SPATA25: variants seen among roughly 807,000 people sequenced by gnomAD.
SPATA25 encodes spermatogenesis-associated protein 25.
A neutral mutation model predicts 16.0 loss-of-function variants in SPATA25; 16 were observed. That is an observed-to-expected ratio of 1.00 (90% CI 0.68 to 1.52). The LOEUF is 1.52. SPATA25 is among the 40% of genes most tolerant of loss of function. SPATA25 has a pLI of 0.00. For missense variants in SPATA25, 285 were observed against 289.2 expected (o/e 0.99, Z 0.11); for synonymous variants, 115 against 118.5 (o/e 0.97, Z 0.19).
Position 45,886,633 on chromosome 20 carries a change from C to A in SPATA25, c.568G>T (p.Glu190Ter), listed in dbSNP as rs766872004. 6.2e-7 allele frequency: 1 copy of A among 1,614,078 alleles called. No homozygotes were observed. Among genetic ancestry groups the A allele is most frequent in the Non-Finnish European group, 8.5e-7 (1 of 1,180,048 alleles). The change falls in exon 2 of 2, where the codon GAG becomes TAG. Residue 190 changes from glutamate (E) to a stop codon, truncating the protein, a stop_gained. Coordinates refer to ENST00000372519, the MANE Select transcript of SPATA25 (RefSeq NM_080608.4). LOFTEE classifies it high-confidence loss of function. ...AAQAFMMAHPEPEGAVEGARW... is the reference protein window; with the variant it reads ...AAQAFMMAHP ...GCCCCCTCCACAGCACCCTCTGGCTCCGGATGGGCCATCATGAAAGCTTGA... is the reference window on the plus strand; with the variant it reads ...GCCCCCTCCACAGCACCCTCTGGCTACGGATGGGCCATCATGAAAGCTTGA...
chr20:45,886,828 G>A lies in SPATA25; in HGVS notation c.373C>T (p.Leu125=), dbSNP rs777920843. 2 of 1,613,808 alleles carry A rather than the reference G, an allele frequency of 1.2e-6. No homozygotes were observed. Among genetic ancestry groups the A allele is most frequent in the Admixed American group, 1.7e-5 (1 of 60,012 alleles). ...DLGGPSRPRP[L]MLCGLSPRVL... is the part of the protein sequence containing the mutation. ...CGTGGTGACAGCCCACACAGCATCAGGGGCCTAGGCCTGCTGGGGCCACCC... is the reference window on the plus strand; with the variant it reads ...CGTGGTGACAGCCCACACAGCATCAAGGGCCTAGGCCTGCTGGGGCCACCC... Residue 125 remains leucine (L), a synonymous_variant, in exon 2 of 2, where the codon CTG becomes TTG. Transcript: ENST00000372519.
rs751548891 is a variant in SPATA25 at position 45,886,730 on chromosome 20, G to A, written c.471C>T (p.Leu157=). The A allele has an allele frequency of 5.6e-6, 9 of 1,613,978 alleles. No individual in the cohort carries two copies. The highest frequency in any genetic ancestry group is 1.3e-5 in the African/African-American group (1 of 74,926). ...SSQPDICILT[L]AMMIAGIPTV... Reference sequence around the variant, plus strand: ...TGGGGATGCCAGCGATCATCATGGCGAGGGTGAGGATGCAGATATCAGGCT... The same window carrying A: ...TGGGGATGCCAGCGATCATCATGGCAAGGGTGAGGATGCAGATATCAGGCT... The change falls in exon 2 of 2, where the codon CTC becomes CTT. Residue 157 remains leucine, a synonymous_variant. Transcript: ENST00000372519.
chr20:45,888,281 G>A (rs1046918997), upstream of SPATA25, among the ~76,000 whole-genome samples: 7 of 152,164 alleles, frequency 4.6e-5, no homozygotes, highest in Non-Finnish European at 7.3e-5. Flanking sequence ...GCCTCCCAAA[G>A]TGCTGGGATT....
chr20:45,887,680 C>T, upstream of SPATA25: 1 of 1,207,840 alleles, frequency 8.3e-7, no homozygotes, highest in South Asian at 1.4e-5. Context: ...CTCATAGACC[C>T]TCCCCTTCAC....
upstream of SPATA25, chr20:45,890,967 C>T (rs1986782796): frequency 6.7e-7 from 1 of 1,499,896 alleles, no homozygotes; most frequent in Non-Finnish European, 8.9e-7. Context: ...GCACCCGAAT[C>T]CACGGGCTCG....
chr20:45,890,756 C>A (rs1376773374), upstream of SPATA25: 1 of 1,612,470 alleles, frequency 6.2e-7, no homozygotes, highest in Non-Finnish European at 8.5e-7. Context: ...ACGCAGATGT[C>A]CGCACCAGCC....
upstream of SPATA25, chr20:45,890,687 G>A (rs1163597968): frequency 1.9e-6 from 3 of 1,613,650 alleles, no homozygotes; most frequent in African/African-American, 2.7e-5. Flanking sequence ...GACCAGATCG[G>A]GCAGAGAAAA....
chr20:45,890,416 G>C (rs1246370389), upstream of SPATA25: 1 of 1,611,962 alleles, frequency 6.2e-7, no homozygotes, highest in Non-Finnish European at 8.5e-7. Context: ...GGCAAAAGAG[G>C]ACACCCAGGC....
rs990510253 is a variant in SPATA25, at chr20:45,886,527, G to A, written c.674C>T (p.Ser225Phe). Reference protein sequence around the residue: ...VRSKRGQPPGSCL With the variant: ...VRSKRGQPPGFCL Reference sequence around the variant, plus strand: ...TGCTATTTCATCCATCTACAAGCAGGAGCCAGGAGGCTGGCCCCTTTTAGA... The same window carrying A: ...TGCTATTTCATCCATCTACAAGCAGAAGCCAGGAGGCTGGCCCCTTTTAGA... The change falls in exon 2 of 2, where the codon TCC becomes TTC. Residue 225 changes from serine (S) to phenylalanine (F), a missense_variant. Coordinates refer to ENST00000372519, the MANE Select transcript of SPATA25 (RefSeq NM_080608.4). 2 of 1,570,370 alleles carry A rather than the reference G, an allele frequency of 1.3e-6. No individual in the cohort carries two copies. Among genetic ancestry groups the A allele is most frequent in the Non-Finnish European group, 8.7e-7 (1 of 1,153,856 alleles).
upstream of SPATA25, chr20:45,888,539 G>A (rs146906906): frequency 2.9e-3 from 1,570 of 543,078 alleles, 27 homozygotes; most frequent in African/African-American, 0.027. Context: ...AGCCAGCCTA[G>A]GGACCCCTGC....
rs1986484823 is a variant in SPATA25 at position 45,886,694 on chromosome 20, G to A, written c.507C>T (p.Val169=). 6.2e-7 allele frequency: 1 copy of A among 1,614,154 alleles called. No homozygotes were observed. Among genetic ancestry groups the A allele is most frequent in the Non-Finnish European group, 8.5e-7 (1 of 1,180,044 alleles). ...MMIAGIPTVP[V]PGVREEDLIW... ...TCAGGTCCTCTTCCCGAACTCCTGGGACGGGCACGGTGGGGATGCCAGCGA... is the reference window on the plus strand; with the variant it reads ...TCAGGTCCTCTTCCCGAACTCCTGGAACGGGCACGGTGGGGATGCCAGCGA... The change falls in exon 2 of 2, where the codon GTC becomes GTT. Residue 169 remains valine, a synonymous_variant. Coordinates refer to ENST00000372519, the MANE Select transcript of SPATA25 (RefSeq NM_080608.4).
upstream of SPATA25, chr20:45,890,683 A>C (rs1986744137): frequency 1.2e-6 from 2 of 1,613,584 alleles, no homozygotes; most frequent in African/African-American, 2.7e-5. Context: ...GGTTGACCAG[A>C]TCGGGCAGAG....
At position 45,886,654 on chromosome 20, in the gene SPATA25, C is replaced by G. The variant is rs1423837720; in HGVS notation, c.547G>C (p.Ala183Pro). The G allele has an allele frequency of 1.2e-6, 2 of 1,614,148 alleles. No individual in the cohort carries two copies. The highest frequency in any genetic ancestry group is 1.7e-5 in the Admixed American group (1 of 60,034). Residue 183 changes from alanine to proline, a missense_variant, in exon 2 of 2, where the codon GCT becomes CCT. Coordinates refer to ENST00000372519, the MANE Select transcript of SPATA25 (RefSeq NM_080608.4). ...GGCTCCGGATGGGCCATCATGAAAGCTTGAGCGGCCCAGATCAGGTCCTCT... is the reference window on the plus strand; with the variant it reads ...GGCTCCGGATGGGCCATCATGAAAGGTTGAGCGGCCCAGATCAGGTCCTCT... Reference protein sequence around the residue: ...REEDLIWAAQAFMMAHPEPEG... With the variant: ...REEDLIWAAQPFMMAHPEPEG...
chr20:45,887,598 C>G lies in SPATA25; in HGVS notation c.-8G>C. 1 of 1,613,110 alleles carries G rather than the reference C, an allele frequency of 6.2e-7. No individual in the cohort carries two copies. The highest frequency in any genetic ancestry group is 8.5e-7 in the Non-Finnish European group (1 of 1,179,416). Reference sequence around the variant, plus strand: ...AGTCCTGAAGTAGGACATGGCTTCCCCAAAGCCCCGGTTTGTGAGGGAATA... The same window carrying G: ...AGTCCTGAAGTAGGACATGGCTTCCGCAAAGCCCCGGTTTGTGAGGGAATA... On this transcript the variant is annotated 5_prime_UTR_variant, in exon 1 of 2. Transcript: ENST00000372519.
chr20:45,886,624 C>G lies in SPATA25; in HGVS notation c.577G>C (p.Gly193Arg). 1 of 1,614,064 alleles carries G rather than the reference C, an allele frequency of 6.2e-7. No individual in the cohort carries two copies. Among genetic ancestry groups the G allele is most frequent in the Non-Finnish European group, 8.5e-7 (1 of 1,180,040 alleles). Residue 193 changes from glycine to arginine, a missense_variant, in exon 2 of 2, where the codon GGT becomes CGT. Coordinates refer to ENST00000372519, the MANE Select transcript of SPATA25 (RefSeq NM_080608.4). ...TCCCACCGCGCCCCCTCCACAGCACCCTCTGGCTCCGGATGGGCCATCATG... is the reference window on the plus strand; with the variant it reads ...TCCCACCGCGCCCCCTCCACAGCACGCTCTGGCTCCGGATGGGCCATCATG... Reference protein sequence around the residue: ...AFMMAHPEPEGAVEGARWEQA... With the variant: ...AFMMAHPEPERAVEGARWEQA...
chr20:45,887,479 G>A, intron 1 of SPATA25, 57 bp downstream of exon 1: 1 of 1,561,398 alleles, frequency 6.4e-7, no homozygotes, highest in Non-Finnish European at 8.8e-7. Flanking sequence ...GAGCCAGAAA[G>A]CAACTTCTCA....
upstream of SPATA25, chr20:45,890,947 TCCC>T: frequency 6.6e-7 from 1 of 1,514,548 alleles, no homozygotes; most frequent in Non-Finnish European, 8.8e-7. Flanking sequence ...GGCGCTCGAG[TCCC>T]CAGAGTGCAC....
chr20:45,890,593 C>G (rs765561816), upstream of SPATA25: 1 of 1,612,232 alleles, frequency 6.2e-7, no homozygotes, highest in East Asian at 2.2e-5. Context: ...GGCTGGGGGC[C>G]GCTGCCTCCG....
At chr20:45,888,924 G>A (rs748240620), upstream of SPATA25, 4 of 1,609,222 alleles carry the variant, frequency 2.5e-6, 1 homozygote, top group South Asian at 4.4e-5. Context: ...GTGGGTCTGA[G>A]GCCAAGATCC....
Sources: allele counts gnomAD v4.1 joint callset (sites outside exome capture counted in the v4.1 genomes callset), GRCh38; gene constraint gnomAD v4.1.1; transcripts MANE v1.5; gene names NCBI Gene and HGNC (gene_info 2026-07-23, HGNC 2026-07-21).